LRMDA: variants seen among roughly 807,000 people sequenced by gnomAD.
LRMDA encodes the protein leucine-rich melanocyte differentiation-associated protein.
Under a neutral mutation model 29.8 loss-of-function variants are expected in LRMDA, and 18 were observed. The ratio of observed to expected loss-of-function variants is 0.60; its 90% CI spans 0.42 to 0.90. The LOEUF (loss-of-function observed/expected upper bound fraction) is 0.90, where lower values mean the gene tolerates loss of function less well. Among genes scored for constraint, LRMDA ranks in the 40% least tolerant of loss-of-function variants. The pLI is 0.00. For missense variants in LRMDA, 273 were observed against 273.9 expected (o/e 1.00, Z 0.02); for synonymous variants, 125 against 109.4 (o/e 1.14, Z -0.89).
intron 6 of LRMDA, among the ~76,000 whole-genome samples, chr10:76,381,476 T>C (rs544766409): frequency 6.6e-6 from 1 of 152,296 alleles, no homozygotes; most frequent in African/African-American, 2.4e-5. Context: ...GCTTATATTT[T>C]CATAATTGTG....
chr10:76,473,592 T>C (rs1406983098), intron 6 of LRMDA, among the ~76,000 whole-genome samples: 4 of 148,496 alleles, frequency 2.7e-5, no homozygotes, highest in African/African-American at 7.4e-5. Context: ...GCAGATCTTG[T>C]ATACAGGAAA....
chr10:76,018,051 C>G (rs748513343), intron 2 of LRMDA, among the ~76,000 whole-genome samples: 1 of 152,172 alleles, frequency 6.6e-6, no homozygotes, highest in Admixed American at 6.5e-5. Flanking sequence ...TCCTAGATCA[C>G]GATTTGGGCC....
At chr10:76,057,729 A>T (rs915405660) in intron 4 of LRMDA, among the ~76,000 whole-genome samples, 2 of 152,168 alleles carry the variant, frequency 1.3e-5, no homozygotes, top group East Asian at 3.9e-4. Context: ...GACACTGTGT[A>T]CTTACCTCTT....
intron 5 of LRMDA, among the ~76,000 whole-genome samples, chr10:76,249,961 C>T (rs1157962957): frequency 1.3e-5 from 2 of 152,150 alleles, no homozygotes; most frequent in Non-Finnish European, 2.9e-5. Context: ...TGCCACCACG[C>T]CTGGCTAATT....
chr10:76,172,497 A>C (rs1003978052), intron 5 of LRMDA, among the ~76,000 whole-genome samples: 10 of 152,312 alleles, frequency 6.6e-5, no homozygotes, highest in Non-Finnish European at 1.3e-4. Context: ...TAGAATTCCC[A>C]GGGAAGAATA....
At chr10:75,809,482 A>C (rs1180778649) in intron 2 of LRMDA, among the ~76,000 whole-genome samples, 2 of 152,046 alleles carry the variant, frequency 1.3e-5, no homozygotes, top group African/African-American at 4.8e-5. Flanking sequence ...GTCTCTACTA[A>C]AAGTACAAAA....
intron 2 of LRMDA, among the ~76,000 whole-genome samples, chr10:75,780,361 GGA>G (rs1369414124): frequency 2.6e-5 from 4 of 152,150 alleles, no homozygotes; most frequent in Non-Finnish European, 4.4e-5. Context: ...CCCAGGAGAA[GGA>G]GAGTGAAACA....
intron 2 of LRMDA, among the ~76,000 whole-genome samples, chr10:75,518,578 G>A (rs1053704291): frequency 6.6e-6 from 1 of 151,978 alleles, no homozygotes; most frequent in African/African-American, 2.4e-5. Flanking sequence ...GTGTCTATTC[G>A]ATTCTTCTCT....
At chr10:76,306,672 G>T (rs1840560770) in intron 5 of LRMDA, among the ~76,000 whole-genome samples, 1 of 152,200 alleles carries the variant, frequency 6.6e-6, no homozygotes, top group Non-Finnish European at 1.5e-5. Flanking sequence ...ATGGGGAAAT[G>T]CTTTTGGAAA....
chr10:75,872,069 T>C lies in LRMDA; in HGVS notation c.132-163939T>C, dbSNP rs149658514. 2.0e-5 allele frequency among the ~76,000 whole-genome samples: 3 copies of C among 152,364 alleles called. No homozygotes were observed. The East Asian group carries it at 5.8e-4, about 29-fold the overall frequency. On this transcript the variant is annotated intron_variant, in intron 2 of 6. Coordinates refer to ENST00000611255, the MANE Select transcript of LRMDA (RefSeq NM_001305581.2). ...CTAACTTGACAAAGCACCCCATCTC[T>C]ACCACTGTACGGTACTTTTAAATTT...
At chr10:76,264,406 CA>C (rs59846541) in intron 5 of LRMDA, among the ~76,000 whole-genome samples, 1 of 34,270 alleles carries the variant, frequency 2.9e-5, no homozygotes, top group Non-Finnish European at 5.2e-5. Flanking sequence ...GACTCTGTCT[CA>C]AAAAAAAAAA....
intron 2 of LRMDA, among the ~76,000 whole-genome samples, chr10:75,768,990 C>A (rs992224566): frequency 2.0e-5 from 3 of 152,190 alleles, no homozygotes; most frequent in African/African-American, 7.2e-5. Context: ...AGAGCACTTA[C>A]TCCAAGGAGA....
chr10:76,229,840 C>T (rs1054248938), intron 5 of LRMDA, among the ~76,000 whole-genome samples: 8 of 152,198 alleles, frequency 5.3e-5, no homozygotes, highest in East Asian at 1.9e-4. Flanking sequence ...TGAAGTTGTA[C>T]GCATGCTCCT....
At chr10:76,452,312 G>A (rs532400894) in intron 6 of LRMDA, among the ~76,000 whole-genome samples, 4 of 152,290 alleles carry the variant, frequency 2.6e-5, no homozygotes, top group Non-Finnish European at 4.4e-5. Context: ...CAGCAGGGAT[G>A]TGGGAAGGCC....
intron 3 of LRMDA, among the ~76,000 whole-genome samples, chr10:76,042,242 G>T (rs921839715): frequency 3.3e-5 from 5 of 152,058 alleles, no homozygotes; most frequent in African/African-American, 1.2e-4. Context: ...GTGGATTTGG[G>T]GGAGACCACC....
intron 2 of LRMDA, among the ~76,000 whole-genome samples, chr10:75,793,975 G>A (rs1393929553): frequency 6.6e-6 from 1 of 152,212 alleles, no homozygotes; most frequent in East Asian, 1.9e-4. Flanking sequence ...GTGGGAAAAC[G>A]GCCATAGGAA....
At chr10:75,578,238 A>AAAAAAAAAAAAAAC (rs1564805418) in intron 2 of LRMDA, among the ~76,000 whole-genome samples, 1 of 147,940 alleles carries the variant, frequency 6.8e-6, no homozygotes, top group Non-Finnish European at 1.5e-5. Context: ...AAAAAAAAAA[A>AAAAAAAAAAAAAAC]AGCAGCAGTT....
chr10:75,510,615 A>G (rs1327897339), intron 2 of LRMDA, among the ~76,000 whole-genome samples: 2 of 152,230 alleles, frequency 1.3e-5, no homozygotes, highest in Non-Finnish European at 2.9e-5. Flanking sequence ...GATGAAATCT[A>G]CCAGCTCCAA....
chr10:76,034,333 G>A (rs1848202714), intron 2 of LRMDA, among the ~76,000 whole-genome samples: 1 of 152,152 alleles, frequency 6.6e-6, no homozygotes, highest in African/African-American at 2.4e-5. Flanking sequence ...ATCCTCACAA[G>A]TTGTGTTTTG....
Sources: gnomAD v4.1 joint callset for allele counts (sites outside exome capture counted in the v4.1 genomes callset) on GRCh38, gnomAD v4.1.1 for gene constraint, MANE v1.5 for transcripts, NCBI Gene and HGNC (gene_info 2026-07-23, HGNC 2026-07-21) for gene names.